The following PPP1R37 variants were observed in gnomAD, a reference collection of about 807,000 sequenced individuals.
PPP1R37 encodes leucine rich repeat containing 68.
In PPP1R37, 21 loss-of-function variants were observed where a neutral mutation model predicts 61.0. The ratio of observed to expected loss-of-function variants is 0.34; its 90% CI spans 0.24 to 0.50. The LOEUF is 0.50. PPP1R37 is among the 20% of genes least tolerant of loss of function. PPP1R37 has a pLI of 0.98. For missense variants in PPP1R37, 910 were observed against 952.7 expected, an observed-to-expected ratio of 0.96 and a Z score of 0.59; for synonymous variants, 443 against 433.5, an observed-to-expected ratio of 1.02 and a Z score of -0.27.
At chr19:45,146,260 C>A in intron 11 of PPP1R37, 130 bp from the exon 12 acceptor site, 1 of 962,364 alleles carries the variant, frequency 1.0e-6, no homozygotes, top group Non-Finnish European at 1.5e-6. Context: ...GGTGTGCTGC[C>A]TTGAGCCTGA....
intron 2 of PPP1R37, among the ~76,000 whole-genome samples, chr19:45,139,836 C>G (rs1171990246): frequency 6.6e-6 from 1 of 152,236 alleles, no homozygotes; most frequent in Non-Finnish European, 1.5e-5. Context: ...GGCCCCAGGC[C>G]CTGCCTTCAC....
At chr19:45,115,593 A>C (rs1400925993) in intron 1 of PPP1R37, among the ~76,000 whole-genome samples, 1 of 152,176 alleles carries the variant, frequency 6.6e-6, no homozygotes, top group African/African-American at 2.4e-5. Flanking sequence ...AATGGGGATA[A>C]TAAACCCTAC....
At chr19:45,113,747 A>G (rs915891311) in intron 1 of PPP1R37, among the ~76,000 whole-genome samples, 1 of 152,010 alleles carries the variant, frequency 6.6e-6, no homozygotes, top group African/African-American at 2.4e-5. Flanking sequence ...CCGTGAGCTC[A>G]CTCAGAGAGT....
chr19:45,128,642 A>G, intron 1 of PPP1R37: 2 of 1,245,666 alleles, frequency 1.6e-6, no homozygotes, highest in Non-Finnish European at 2.3e-6. Flanking sequence ...GCTCAGCATT[A>G]TGTAACACTG....
intron 1 of PPP1R37, among the ~76,000 whole-genome samples, chr19:45,100,648 C>T (rs1437993797): frequency 6.6e-6 from 1 of 152,246 alleles, no homozygotes; most frequent in Non-Finnish European, 1.5e-5. Context: ...CGGCTGAGTG[C>T]TTGGACGCAT....
intron 1 of PPP1R37, among the ~76,000 whole-genome samples, chr19:45,124,325 G>C (rs1327933532): frequency 2.0e-5 from 3 of 152,210 alleles, no homozygotes; most frequent in African/African-American, 7.2e-5. Context: ...GGAAGCACCG[G>C]GCCCTTCGGG....
At chr19:45,120,341 AG>A (rs1259016166) in intron 1 of PPP1R37, among the ~76,000 whole-genome samples, 3 of 152,122 alleles carry the variant, frequency 2.0e-5, no homozygotes, top group Non-Finnish European at 4.4e-5. Context: ...CATAAAGGGT[AG>A]CATTCATGAG....
Position 45,146,634 on chromosome 19 carries a change from C to T in PPP1R37, c.*72C>T. On this transcript the variant is annotated 3_prime_UTR_variant, in exon 13 of 13. Transcript: ENST00000221462. ...GAGCCATGAGAATCTGCTCACCTTC[C>T]CCCCAGCCTTCCTGAGGCCCAGGAT... 15 of 609,832 alleles carry T rather than the reference C, an allele frequency of 2.5e-5. No individual in the cohort carries two copies. Among genetic ancestry groups the T allele is most frequent in the Non-Finnish European group, 4.3e-5 (15 of 352,514 alleles). 37.8% of individuals were successfully genotyped at this position (609,832 alleles called of 1,614,324 possible).
intron 5 of PPP1R37, among the ~76,000 whole-genome samples, 200 bp downstream of exon 5, chr19:45,141,641 C>T (rs561297674): frequency 6.6e-5 from 10 of 152,352 alleles, no homozygotes; most frequent in African/African-American, 1.7e-4. Flanking sequence ...CCCTTCTCTC[C>T]TTGCGAGGCA....
At chr19:45,140,482 C>T (rs1231163957) in intron 3 of PPP1R37, 24 bp from the exon 4 acceptor site, 28 of 1,502,364 alleles carry the variant, frequency 1.9e-5, no homozygotes, top group East Asian at 2.5e-5. Flanking sequence ...CTTAGACATG[C>T]GCACGGCTGC....
intron 1 of PPP1R37, among the ~76,000 whole-genome samples, chr19:45,115,393 C>T (rs777891796): frequency 6.6e-6 from 1 of 152,148 alleles, no homozygotes; most frequent in South Asian, 2.1e-4. Context: ...TTGGCACATG[C>T]TCCATCTCCC....
intron 1 of PPP1R37, among the ~76,000 whole-genome samples, chr19:45,135,226 C>G (rs192884947): frequency 3.3e-5 from 5 of 151,910 alleles, no homozygotes; most frequent in African/African-American, 9.7e-5. Flanking sequence ...CCAGCCTGGG[C>G]GACAGAGTGA....
At chr19:45,111,527 C>A (rs564675112) in intron 1 of PPP1R37, among the ~76,000 whole-genome samples, 1 of 152,204 alleles carries the variant, frequency 6.6e-6, no homozygotes, top group Non-Finnish European at 1.5e-5. Flanking sequence ...CCGCCTGCCT[C>A]GATCTCCCAA....
chr19:45,145,479 C>A lies in PPP1R37; in HGVS notation c.1423C>A (p.Pro475Thr). 2 of 1,534,760 alleles carry A rather than the reference C, an allele frequency of 1.3e-6. No homozygotes were observed. ...EQPPQLSASM[P>T]ETTATEPQPD... The stretch of plus-strand genomic sequence containing the variant: ...GCCGCCACAGCTGTCGGCCTCCATG[C>A]CTGAGACCACCGCCACCGAGCCCCA... Residue 475 changes from proline (P) to threonine (T), a missense_variant, in exon 11 of 13, where the codon CCT becomes ACT. Pro to Thr is a conservative substitution (Grantham distance 38, BLOSUM62 -1). Coordinates refer to ENST00000221462, the MANE Select transcript of PPP1R37 (RefSeq NM_019121.2).
chr19:45,123,776 G>A (rs1175860631), intron 1 of PPP1R37, among the ~76,000 whole-genome samples: 1 of 152,200 alleles, frequency 6.6e-6, no homozygotes, highest in African/African-American at 2.4e-5. Flanking sequence ...ATTTTAGAAC[G>A]TGTTTCACTA....
intron 8 of PPP1R37, chr19:45,144,304 C>T (rs1362026681): frequency 6.6e-6 from 1 of 152,636 alleles, no homozygotes; most frequent in Admixed American, 6.5e-5. Context: ...TGAGCCACCG[C>T]GCCCGGCCTA....
intron 1 of PPP1R37, among the ~76,000 whole-genome samples, chr19:45,125,608 C>G (rs1968395169): frequency 6.6e-6 from 1 of 152,208 alleles, no homozygotes; most frequent in African/African-American, 2.4e-5. Context: ...GCTCCTCTTT[C>G]CTGAGAGTTC....
In PPP1R37 at chr19:45,119,135, C is replaced by G. The variant is rs796965067; in HGVS notation, c.203-19379C>G. ...TCCCGAGTAGCTGGGATTACAGGCA[C>G]GTGCCACAACACCCGTCTAATTTTT... On this transcript the variant is annotated intron_variant, in intron 1 of 12. Coordinates refer to ENST00000221462, the MANE Select transcript of PPP1R37 (RefSeq NM_019121.2). 5.3e-5 allele frequency among the ~76,000 whole-genome samples: 8 copies of G among 150,480 alleles called. 1 individual carries two copies. The highest frequency in any genetic ancestry group is 2.0e-4 in the African/African-American group (8 of 40,876).
intron 1 of PPP1R37, among the ~76,000 whole-genome samples, chr19:45,126,139 A>G (rs542387210): frequency 8.7e-4 from 133 of 152,306 alleles, no homozygotes; most frequent in African/African-American, 3.0e-3. Flanking sequence ...ACGCTGTCCC[A>G]CATGGGCCGG....
Sources: allele counts gnomAD v4.1 joint callset (sites outside exome capture counted in the v4.1 genomes callset), GRCh38; gene constraint gnomAD v4.1.1; transcripts MANE v1.5; gene names NCBI Gene and HGNC (gene_info 2026-07-23, HGNC 2026-07-21).